The following RTL1 variants were observed in gnomAD, a reference collection of about 807,000 sequenced individuals.
RTL1 encodes the protein retrotransposon-like protein 1.
For missense variants in RTL1, 1,681 were observed against 1,767.5 expected, an observed-to-expected ratio of 0.95 and a Z score of 0.88; for synonymous variants, 727 against 748.4, an observed-to-expected ratio of 0.97 and a Z score of 0.47.
chr14:100,880,842 C>G lies in RTL1; in HGVS notation c.3947G>C (p.Arg1316Thr). 6.5e-7 allele frequency: 1 copy of G among 1,550,274 alleles called. No homozygotes were observed. ...LHLLSREQAARALSQFLTLIY... is the reference protein window; with the variant it reads ...LHLLSREQAATALSQFLTLIY... The stretch of plus-strand genomic sequence containing the variant: ...CAGGGTCAGGAACTGGCTCAGGGCC[C>G]TGGCTGCCTGCTCCCGGCTGAGCAG... Residue 1316 changes from arginine to threonine, a missense_variant, in exon 4 of 4, where the codon AGG becomes ACG. Physicochemically the swap from Arg to Thr is moderately conservative, Grantham distance 71. Transcript: ENST00000649591.
chr14:100,891,109 C>T (rs902161146), intron 3 of RTL1, among the ~76,000 whole-genome samples: 2 of 152,064 alleles, frequency 1.3e-5, no homozygotes, highest in Non-Finnish European at 2.9e-5. Context: ...GGGTTGGGTC[C>T]TGGGGATCCC....
chr14:100,902,158 G>A (rs953358716), intron 2 of RTL1, among the ~76,000 whole-genome samples: 2 of 152,196 alleles, frequency 1.3e-5, no homozygotes, highest in Admixed American at 6.5e-5. Context: ...GGGCTCGCAC[G>A]CAGAGCTGCT....
chr14:100,888,598 G>T (rs1373140321), intron 3 of RTL1, among the ~76,000 whole-genome samples: 1 of 152,130 alleles, frequency 6.6e-6, no homozygotes, highest in Non-Finnish European at 1.5e-5. Flanking sequence ...GTGTCTCTTA[G>T]TTGTAAATGG....
In RTL1 at chr14:100,882,302, G is replaced by T; in HGVS notation, c.2487C>A (p.Ile829=). The T allele has an allele frequency of 6.4e-7, 1 of 1,551,714 alleles. No individual in the cohort carries two copies. Among genetic ancestry groups the T allele is most frequent in the Non-Finnish European group, 8.7e-7 (1 of 1,147,014 alleles). Residue 829 remains isoleucine (I), a synonymous_variant, in exon 4 of 4, where the codon ATC becomes ATA. Transcript: ENST00000649591. ...YRHFVERFSI[I]AEPLVRQLLS... ...GCAGCTGCCGCACCAGGGGCTCTGC[G>T]ATGATGCTGAAGCGCTCCACGAAGT...
chr14:100,887,141 G>A (rs537201299), intron 3 of RTL1, among the ~76,000 whole-genome samples: 166 of 152,118 alleles, frequency 1.1e-3, no homozygotes, highest in African/African-American at 3.7e-3. Context: ...AATTTTCACC[G>A]TGTAATTTAC....
intron 3 of RTL1, among the ~76,000 whole-genome samples, chr14:100,888,134 ACAATGAGCT>A (rs1193214847): frequency 6.6e-6 from 1 of 152,220 alleles, no homozygotes; most frequent in Non-Finnish European, 1.5e-5. Flanking sequence ...TGAGATTTCA[ACAATGAGCT>A]CAATGAGCTC....
In RTL1 at chr14:100,882,899, C is replaced by T. The variant is rs751053218; in HGVS notation, c.1890G>A (p.Gln630=). 1.3e-6 allele frequency: 2 copies of T among 1,598,346 alleles called. No individual in the cohort carries two copies. Among genetic ancestry groups the T allele is most frequent in the South Asian group, 2.2e-5 (2 of 89,216 alleles). Reference sequence around the variant, plus strand: ...TGTCCTGCAGGTCCCAGTATTCCTCCTGTAGCCTGGCTCTTTCTTGCATCC... The same window carrying T: ...TGTCCTGCAGGTCCCAGTATTCCTCTTGTAGCCTGGCTCTTTCTTGCATCC... The part of the protein sequence containing the change: ...GARMQERARL[Q]EEYWDLQDML... Residue 630 remains glutamine, a synonymous_variant, in exon 4 of 4, where the codon CAG becomes CAA. Coordinates refer to ENST00000649591, the MANE Select transcript of RTL1 (RefSeq NM_001134888.3).
chr14:100,883,529 G>A lies in RTL1; in HGVS notation c.1260C>T (p.Tyr420=), dbSNP rs368128155. 3.2e-5 allele frequency: 50 copies of A among 1,551,550 alleles called. No homozygotes were observed. In the African/African-American group the frequency reaches 6.3e-4, roughly 20 times the overall value. Residue 420 remains tyrosine, a synonymous_variant, in exon 4 of 4, where the codon TAC becomes TAT. Transcript: ENST00000649591. The surrounding 1 kb of genome is among the most constrained non-coding windows in gnomAD (Gnocchi z 5.9). ...CCAGGGCCTGGACCGCGACGCTGTG[G>A]TAGGGGTTCACTCTCACCATGAGCA... ...FLLLMVRVNP[Y]HSVAVQALVD... is the part of the protein sequence containing the mutation.
rs373410691 is a variant in RTL1, at chr14:100,881,204, C to T, written c.3585G>A (p.Thr1195=). ...GLQFTPGFWL[T]LCEFFGVRVT... ...CTCTGACACCGAAGAACTCACACAG[C>T]GTCAGCCAGAAGCCAGGGGTGAACT... Residue 1195 remains threonine, a synonymous_variant, in exon 4 of 4, where the codon ACG becomes ACA. Coordinates refer to ENST00000649591, the MANE Select transcript of RTL1 (RefSeq NM_001134888.3). The surrounding 1 kb of genome is among the most constrained non-coding windows in gnomAD (Gnocchi z 6.6). 1.5e-4 allele frequency: 237 copies of T among 1,543,256 alleles called. No homozygotes were observed. Among genetic ancestry groups the T allele is most frequent in the South Asian group, 9.6e-4 (79 of 82,498 alleles).
chr14:100,890,819 C>T (rs1366368846), intron 3 of RTL1, among the ~76,000 whole-genome samples: 1 of 152,140 alleles, frequency 6.6e-6, no homozygotes, highest in African/African-American at 2.4e-5. Context: ...CCCTCTGCTG[C>T]CTGGCCTGCT....
chr14:100,881,792 G>A lies in RTL1; in HGVS notation c.2997C>T (p.Leu999=), dbSNP rs2038618027. 6.2e-7 allele frequency: 1 copy of A among 1,614,014 alleles called. No homozygotes were observed. Among genetic ancestry groups the A allele is most frequent in the Non-Finnish European group, 8.5e-7 (1 of 1,179,984 alleles). ...GGRALPPVRN[L]RWRRAFQRNT... is the part of the protein sequence containing the mutation. ...TCCTCTGGAAGGCTCTCCTCCACCG[G>A]AGGTTTCTCACAGGTGGCAGAGCTC... Residue 999 remains leucine, a synonymous_variant, in exon 4 of 4, where the codon CTC becomes CTT. Coordinates refer to ENST00000649591, the MANE Select transcript of RTL1 (RefSeq NM_001134888.3). The surrounding 1 kb of genome is among the most constrained non-coding windows in gnomAD (Gnocchi z 6.6).
In RTL1 at chr14:100,882,394, C is replaced by CT; in HGVS notation, c.2394dup (p.Gly799ArgfsTer118). 1 of 1,551,900 alleles carries CT rather than the reference C, an allele frequency of 6.4e-7. No homozygotes were observed. Among genetic ancestry groups the CT allele is most frequent in the East Asian group, 2.4e-5 (1 of 40,910 alleles). Reference sequence around the variant, plus strand: ...AGCTTGGAGCCAGGGGTAGGGTACCCTGTTATGATGGTCATGACGTTCTTG... The same window carrying CT: ...AGCTTGGAGCCAGGGGTAGGGTACCCTTGTTATGATGGTCATGACGTTCTTG... On this transcript the variant is annotated frameshift_variant, in exon 4 of 4. Coordinates refer to ENST00000649591, the MANE Select transcript of RTL1 (RefSeq NM_001134888.3). LOFTEE classifies it low-confidence loss of function (END_TRUNC).
At chr14:100,899,784 T>A (rs1239877373) in intron 2 of RTL1, among the ~76,000 whole-genome samples, 1 of 147,752 alleles carries the variant, frequency 6.8e-6, no homozygotes, top group Non-Finnish European at 1.5e-5. Context: ...ATAACGCAAA[T>A]AAATCATCCA....
intron 2 of RTL1, among the ~76,000 whole-genome samples, chr14:100,896,468 G>C (rs958482858): frequency 2.0e-5 from 3 of 152,102 alleles, no homozygotes; most frequent in Non-Finnish European, 4.4e-5. Context: ...GAGCCTCAGT[G>C]CCTTTCTACG....
At position 100,880,974 on chromosome 14, in the gene RTL1, G is replaced by C; in HGVS notation, c.3815C>G (p.Thr1272Arg). The C allele has an allele frequency of 6.4e-7, 1 of 1,557,796 alleles. No homozygotes were observed. Among genetic ancestry groups the C allele is most frequent in the Non-Finnish European group, 8.7e-7 (1 of 1,151,386 alleles). Residue 1272 changes from threonine (T) to arginine (R), a missense_variant, in exon 4 of 4, where the codon ACA becomes AGA. Thr to Arg is a moderately conservative substitution (Grantham distance 71). Coordinates refer to ENST00000649591, the MANE Select transcript of RTL1 (RefSeq NM_001134888.3). Reference sequence around the variant, plus strand: ...TGGGCGGGGTGGGTGGGTGGCTGCTGTGTGGCTGGGTGGGGCCTCCTGCAC... The same window carrying C: ...TGGGCGGGGTGGGTGGGTGGCTGCTCTGTGGCTGGGTGGGGCCTCCTGCAC... ...NDVQEAPPSHTAATHPPRPRH... is the reference protein window; with the variant it reads ...NDVQEAPPSHRAATHPPRPRH...
At position 100,880,670 on chromosome 14, in the gene RTL1, GAGAAAT is replaced by G; in HGVS notation, c.*36_*41del. 6.5e-7 allele frequency: 1 copy of G among 1,549,222 alleles called. No individual in the cohort carries two copies. Among genetic ancestry groups the G allele is most frequent in the Non-Finnish European group, 8.7e-7 (1 of 1,146,480 alleles). On this transcript the variant is annotated 3_prime_UTR_variant, in exon 4 of 4. Coordinates refer to ENST00000649591, the MANE Select transcript of RTL1 (RefSeq NM_001134888.3). Reference sequence around the variant, plus strand: ...AGGGGACGTCGGGAGGTGTTGGGGTGAGAAATAGAGGGGACTCTTTGCTGGAGACAG... The same window carrying G: ...AGGGGACGTCGGGAGGTGTTGGGGTGAGAGGGGACTCTTTGCTGGAGACAG...
Position 100,893,813 on chromosome 14 carries a change from G to C in RTL1, c.-148-308C>G, listed in dbSNP as rs2038815251. 6.6e-6 allele frequency among the ~76,000 whole-genome samples: 1 copy of C among 152,066 alleles called. No homozygotes were observed. The highest frequency in any genetic ancestry group is 2.1e-4 in the South Asian group (1 of 4,828). On this transcript the variant is annotated intron_variant, in intron 2 of 3. Coordinates refer to ENST00000649591, the MANE Select transcript of RTL1 (RefSeq NM_001134888.3). The surrounding 1 kb of genome is among the most constrained non-coding windows in gnomAD (Gnocchi z 4.2). ...CCCATTTTTCAGAAGAGGAATCCGA[G>C]GCCTTGGGACCTACACCCACCCTCA...
At position 100,881,167 on chromosome 14, in the gene RTL1, C is replaced by CCTGGGGG; in HGVS notation, c.3615_3621dup (p.Glu1208ProfsTer22). 2.6e-6 allele frequency: 4 copies of CCTGGGGG among 1,542,368 alleles called. No individual in the cohort carries two copies. Among genetic ancestry groups the CCTGGGGG allele is most frequent in the Non-Finnish European group, 2.6e-6 (3 of 1,142,330 alleles). On this transcript the variant is annotated frameshift_variant, in exon 4 of 4. Coordinates refer to ENST00000649591, the MANE Select transcript of RTL1 (RefSeq NM_001134888.3). LOFTEE classifies it low-confidence loss of function (END_TRUNC). This position sits in a 1 kb window ranked among gnomAD's most constrained non-coding sequence, Gnocchi z 6.6. Reference sequence around the variant, plus strand: ...TGACGCAGGGCAGGGAGGTGGCCCTCCTGGGGGGTGACTCTGACACCGAAG... The same window carrying CCTGGGGG: ...TGACGCAGGGCAGGGAGGTGGCCCTCCTGGGGGCTGGGGGGTGACTCTGACACCGAAG...
intron 3 of RTL1, among the ~76,000 whole-genome samples, chr14:100,891,527 G>A (rs922914888): frequency 1.3e-5 from 2 of 152,190 alleles, no homozygotes; most frequent in African/African-American, 2.4e-5. Context: ...GACAGGGAGT[G>A]CCTGGGCCCA....
Sources: gnomAD v4.1 joint callset for allele counts (sites outside exome capture counted in the v4.1 genomes callset) on GRCh38, gnomAD v4.1.1 for gene constraint, Gnocchi (gnomAD v3.1) non-coding constraint, MANE v1.5 for transcripts, NCBI Gene and HGNC (gene_info 2026-07-23, HGNC 2026-07-21) for gene names.